The following PTPRO variants were observed in gnomAD, a reference collection of about 807,000 sequenced individuals.
The protein encoded by PTPRO is protein tyrosine phosphatase receptor type O.
PTPRO carries 62 observed loss-of-function variants against 145.2 expected under a neutral mutation model. The ratio of observed to expected loss-of-function variants is 0.43; its 90% confidence interval spans 0.35 to 0.53. The LOEUF (loss-of-function observed/expected upper bound fraction) is 0.53. PTPRO is among the 20% of genes least tolerant of loss of function. The pLI, the probability that PTPRO is intolerant of heterozygous loss-of-function variation, is 0.01. For missense variants in PTPRO, 1,345 were observed against 1,482.7 expected, an observed-to-expected ratio of 0.91 and a Z score of 1.53; for synonymous variants, 565 against 514.7, an observed-to-expected ratio of 1.10 and a Z score of -1.32.
intron 19 of PTPRO, among the ~76,000 whole-genome samples, chr12:15,571,543 C>T (rs1230361429): frequency 6.6e-6 from 1 of 152,212 alleles, no homozygotes; most frequent in African/African-American, 2.4e-5. Context: ...GCCTCAGCCT[C>T]CCAAAGTGCT....
At chr12:15,517,846 C>A (rs547227751) in intron 9 of PTPRO, among the ~76,000 whole-genome samples, 26 of 152,234 alleles carry the variant, frequency 1.7e-4, no homozygotes, top group Non-Finnish European at 3.1e-4. Flanking sequence ...TATATCCCCC[C>A]TCCTGGCTGC....
At position 15,597,529 on chromosome 12, in the gene PTPRO, A is replaced by G. The variant is rs1211340934; in HGVS notation, c.*1456A>G. The G allele has an allele frequency of 2.0e-5, 3 of 152,226 alleles. No homozygotes were observed. The highest frequency in any genetic ancestry group is 6.3e-3 in the Middle Eastern group (2 of 316). 9.4% of individuals were successfully genotyped at this position (152,226 alleles called of 1,614,324 possible). A position where few individuals can be genotyped will look rare whatever the true frequency, so the allele number is the denominator to read the frequency against. ...AAGCCACAGATATAAGATCAGCTTA[A>G]TATTTTATCAGTGACCTTAGTGTTG... On this transcript the variant is annotated 3_prime_UTR_variant, in exon 27 of 27. Coordinates refer to ENST00000281171, the MANE Select transcript of PTPRO (RefSeq NM_030667.3).
chr12:15,507,502 A>G (rs956035335), intron 6 of PTPRO, among the ~76,000 whole-genome samples: 5 of 152,188 alleles, frequency 3.3e-5, no homozygotes, highest in African/African-American at 1.2e-4. Flanking sequence ...ATATGCTAAA[A>G]AACAGTTTAC....
intron 16 of PTPRO, 27 bp downstream of exon 16, chr12:15,557,550 T>A: frequency 6.3e-7 from 1 of 1,597,890 alleles, no homozygotes; most frequent in South Asian, 1.1e-5. Context: ...AACAAGCTTC[T>A]ACATAGTTTA....
At chr12:15,454,992 G>A (rs1941139150) in intron 1 of PTPRO, among the ~76,000 whole-genome samples, 2 of 152,082 alleles carry the variant, frequency 1.3e-5, no homozygotes, top group Non-Finnish European at 2.9e-5. Context: ...AATATATTTT[G>A]AAATCAGGAA....
At chr12:15,398,369 T>G (rs1447393411) in intron 1 of PTPRO, among the ~76,000 whole-genome samples, 2 of 152,184 alleles carry the variant, frequency 1.3e-5, no homozygotes, top group Non-Finnish European at 2.9e-5. Flanking sequence ...CATGTGCATT[T>G]TTACTTTCTC....
At chr12:15,580,220 C>A in intron 21 of PTPRO, 105 bp downstream of exon 21, 1 of 878,026 alleles carries the variant, frequency 1.1e-6, no homozygotes, top group Non-Finnish European at 1.8e-6. Context: ...CCTTTCCCAA[C>A]CCAGCAATTG....
At chr12:15,571,662 A>G (rs1944053543) in intron 19 of PTPRO, among the ~76,000 whole-genome samples, 1 of 152,160 alleles carries the variant, frequency 6.6e-6, no homozygotes, top group Non-Finnish European at 1.5e-5. Flanking sequence ...TGGTTTCCAA[A>G]GGGAATTACT....
chr12:15,459,906 C>T (rs10846180), intron 1 of PTPRO, among the ~76,000 whole-genome samples: 79,056 of 151,954 alleles, frequency 0.52, 21,697 homozygotes, highest in Middle Eastern at 0.66. Flanking sequence ...GAGTGTAGTG[C>T]TCCTCTACCC....
At chr12:15,361,372 A>G (rs1591741780) in intron 1 of PTPRO, among the ~76,000 whole-genome samples, 1 of 150,048 alleles carries the variant, frequency 6.7e-6, no homozygotes, top group Non-Finnish European at 1.5e-5. Context: ...CTGGGAGGCG[A>G]AGGTTGCAGT....
At chr12:15,548,201 G>A (rs1231149522) in intron 13 of PTPRO, among the ~76,000 whole-genome samples, 2 of 136,166 alleles carry the variant, frequency 1.5e-5, no homozygotes, top group Non-Finnish European at 3.2e-5. Context: ...CTCACTTACG[G>A]TAAAAAAAAA....
At chr12:15,408,783 A>C (rs1290674364) in intron 1 of PTPRO, among the ~76,000 whole-genome samples, 1 of 152,162 alleles carries the variant, frequency 6.6e-6, no homozygotes, top group Admixed American at 6.5e-5. Flanking sequence ...GAGGTGTGGA[A>C]ATATGTCTTA....
chr12:15,341,468 T>A (rs1866981675), intron 1 of PTPRO, among the ~76,000 whole-genome samples: 1 of 152,136 alleles, frequency 6.6e-6, no homozygotes, highest in South Asian at 2.1e-4. Context: ...ATAGAATAAT[T>A]TTCCAGCCAT....
chr12:15,412,867 C>T (rs1007503684), intron 1 of PTPRO, among the ~76,000 whole-genome samples: 4 of 152,184 alleles, frequency 2.6e-5, no homozygotes, highest in Admixed American at 6.5e-5. Context: ...AATCTCGTCT[C>T]ACTACAAACT....
At chr12:15,495,174 A>C (rs1403099614) in intron 2 of PTPRO, among the ~76,000 whole-genome samples, 1 of 151,940 alleles carries the variant, frequency 6.6e-6, no homozygotes, top group Non-Finnish European at 1.5e-5. Flanking sequence ...ACCAGACTAT[A>C]GCACATAGTC....
chr12:15,500,135 A>G (rs544912909), intron 4 of PTPRO, among the ~76,000 whole-genome samples: 27 of 152,202 alleles, frequency 1.8e-4, no homozygotes, highest in African/African-American at 6.3e-4. Context: ...TAATGAATGG[A>G]TAAAATAAGC....
intron 1 of PTPRO, among the ~76,000 whole-genome samples, chr12:15,424,394 T>C (rs975449280): frequency 6.6e-6 from 1 of 152,162 alleles, no homozygotes; most frequent in African/African-American, 2.4e-5. Flanking sequence ...TACCATGGAA[T>C]CAATTTGTAG....
chr12:15,379,917 T>G (rs1343291135), intron 1 of PTPRO, among the ~76,000 whole-genome samples: 4 of 152,198 alleles, frequency 2.6e-5, no homozygotes, highest in Admixed American at 2.0e-4. Context: ...AAAGTAATTG[T>G]GCACTTAAAA....
intron 1 of PTPRO, chr12:15,348,559 C>A (rs909732262): frequency 6.6e-6 from 1 of 152,058 alleles, no homozygotes; most frequent in Non-Finnish European, 1.5e-5. Context: ...GAGATCGAGA[C>A]CATCCTGGCT....
Sources: gnomAD v4.1 joint callset for allele counts (sites outside exome capture counted in the v4.1 genomes callset) on GRCh38, gnomAD v4.1.1 for gene constraint, MANE v1.5 for transcripts, NCBI Gene and HGNC (gene_info 2026-07-23, HGNC 2026-07-21) for gene names.